Variants in WWOX observed in about 807,000 individuals in gnomAD.
WWOX encodes the protein WW domain containing oxidoreductase, also known as WW domain-containing oxidoreductase.
WWOX carries 69 observed loss-of-function variants against 46.2 expected under a neutral mutation model. The ratio of observed to expected loss-of-function variants is 1.49; its 90% CI spans 1.23 to 1.82. WWOX has a LOEUF of 1.82. WWOX is among the 40% of genes most tolerant of loss of function. The probability of loss-of-function intolerance (pLI) is 0.00; values close to 1 mark genes in which losing one functional copy is unlikely to be tolerated. For missense variants in WWOX, 919 were observed against 542.6 expected (o/e 1.69, Z -6.89); for synonymous variants, 359 against 202.6 (o/e 1.77, Z -6.56).
chr16:78,418,648 T>C (rs1192191882), intron 6 of WWOX, among the ~76,000 whole-genome samples: 2 of 152,210 alleles, frequency 1.3e-5, no homozygotes, highest in Non-Finnish European at 2.9e-5. Context: ...CGGTTGGTTT[T>C]ATATTAAAAA....
At chr16:78,330,554 C>T (rs527253661) in intron 5 of WWOX, among the ~76,000 whole-genome samples, 3 of 152,242 alleles carry the variant, frequency 2.0e-5, no homozygotes, top group South Asian at 2.1e-4. Flanking sequence ...ATGCCACCAC[C>T]GCCAGCTAAT....
At chr16:78,822,773 G>C (rs1324892973) in intron 8 of WWOX, among the ~76,000 whole-genome samples, 4 of 152,140 alleles carry the variant, frequency 2.6e-5, no homozygotes, top group African/African-American at 9.7e-5. Context: ...CTAAAGGTAG[G>C]GGAGATTCTT....
At chr16:78,119,429 T>A (rs1295219529) in intron 4 of WWOX, among the ~76,000 whole-genome samples, 1 of 151,724 alleles carries the variant, frequency 6.6e-6, no homozygotes, top group Non-Finnish European at 1.5e-5. Flanking sequence ...ACCTGCAGGC[T>A]GACATGTTGC....
intron 8 of WWOX, among the ~76,000 whole-genome samples, chr16:78,492,201 A>C (rs2084801054): frequency 6.7e-6 from 1 of 149,722 alleles, no homozygotes; most frequent in African/African-American, 2.4e-5. Context: ...CAGTGTGTGC[A>C]CAGTTTATGG....
chr16:78,815,795 C>A (rs1044143757), intron 8 of WWOX, among the ~76,000 whole-genome samples: 1 of 152,222 alleles, frequency 6.6e-6, no homozygotes, highest in Non-Finnish European at 1.5e-5. Flanking sequence ...GCCAGTGTTT[C>A]AGTGACCCTC....
At chr16:78,647,988 C>G (rs1400803785) in intron 8 of WWOX, among the ~76,000 whole-genome samples, 1 of 152,168 alleles carries the variant, frequency 6.6e-6, no homozygotes, top group Non-Finnish European at 1.5e-5. Context: ...TTTGCTTTCG[C>G]TTAGTATTTT....
intron 8 of WWOX, chr16:78,872,782 A>T (rs967034810): frequency 6.6e-6 from 1 of 152,110 alleles, no homozygotes; most frequent in Non-Finnish European, 1.5e-5. Flanking sequence ...TCACATGCAG[A>T]GGCCCCTTTT....
intron 8 of WWOX, among the ~76,000 whole-genome samples, chr16:78,783,638 T>G (rs1051418717): frequency 2.6e-5 from 4 of 152,192 alleles, no homozygotes; most frequent in African/African-American, 9.6e-5. Context: ...GTGCCTGGCA[T>G]ACCCCATATC....
intron 8 of WWOX, among the ~76,000 whole-genome samples, chr16:79,099,142 A>T (rs987510385): frequency 5.3e-5 from 8 of 152,164 alleles, no homozygotes; most frequent in African/African-American, 1.9e-4. Context: ...GTGGGAAATC[A>T]CAGAGGGAGA....
chr16:78,517,101 G>A (rs895424440), intron 8 of WWOX, among the ~76,000 whole-genome samples: 6 of 151,992 alleles, frequency 3.9e-5, no homozygotes, highest in Admixed American at 6.6e-5. Context: ...TTATGAAATC[G>A]GGGCAGCCAT....
rs530153265 is a variant in WWOX, at chr16:78,108,084, G to C, written c.108-339G>C. ...GCTGGGACTACAGGCACGTGCCACT[G>C]TCCCCAGCTAATTTTGTATTTTTGG... On this transcript the variant is annotated intron_variant, in intron 1 of 8. Transcript: ENST00000566780. 1.6e-4 allele frequency among the ~76,000 whole-genome samples: 24 copies of C among 151,694 alleles called. No homozygotes were observed. The South Asian group carries it at 3.4e-3, about 21-fold the overall frequency.
chr16:78,951,375 G>A (rs2046056225), intron 8 of WWOX, among the ~76,000 whole-genome samples: 1 of 152,080 alleles, frequency 6.6e-6, no homozygotes, highest in African/African-American at 2.4e-5. Context: ...ACTCTCATTG[G>A]CCCTCAGTGG....
At chr16:78,965,311 A>G (rs887498065) in intron 8 of WWOX, among the ~76,000 whole-genome samples, 2 of 152,160 alleles carry the variant, frequency 1.3e-5, no homozygotes, top group Non-Finnish European at 2.9e-5. Context: ...GCTCATGCCT[A>G]TAATCCTAGC....
intron 8 of WWOX, among the ~76,000 whole-genome samples, chr16:78,682,881 C>G (rs912173776): frequency 6.6e-6 from 1 of 152,124 alleles, no homozygotes; most frequent in Non-Finnish European, 1.5e-5. Flanking sequence ...TTAGATAATG[C>G]ATTGTAGGTG....
intron 8 of WWOX, among the ~76,000 whole-genome samples, chr16:79,209,035 C>G (rs2051620288): frequency 6.6e-6 from 1 of 152,140 alleles, no homozygotes; most frequent in Admixed American, 6.5e-5. Flanking sequence ...GGGTGCCCCT[C>G]CTGTGTACTG....
At chr16:78,127,873 T>A (rs969565812) in intron 4 of WWOX, among the ~76,000 whole-genome samples, 2 of 152,320 alleles carry the variant, frequency 1.3e-5, no homozygotes, top group Admixed American at 6.5e-5. Flanking sequence ...GAGCTGTAAT[T>A]TGACACAGAT....
chr16:78,711,944 T>A (rs972047638), intron 8 of WWOX, among the ~76,000 whole-genome samples: 5 of 152,188 alleles, frequency 3.3e-5, no homozygotes, highest in African/African-American at 1.2e-4. Flanking sequence ...AAAGAGCATC[T>A]CTTTCAGGAG....
At chr16:78,352,501 A>G (rs1277751668) in intron 5 of WWOX, among the ~76,000 whole-genome samples, 2 of 152,192 alleles carry the variant, frequency 1.3e-5, no homozygotes, top group Non-Finnish European at 2.9e-5. Context: ...CTTCAAAGCC[A>G]GGGATGGCTG....
intron 8 of WWOX, among the ~76,000 whole-genome samples, chr16:78,998,148 A>G (rs1395284014): frequency 6.6e-6 from 1 of 152,186 alleles, no homozygotes; most frequent in Non-Finnish European, 1.5e-5. Context: ...AAGTGCTGGG[A>G]TTACAGGCAT....
Sources: gnomAD v4.1 joint callset for allele counts (sites outside exome capture counted in the v4.1 genomes callset) on GRCh38, gnomAD v4.1.1 for gene constraint, MANE v1.5 for transcripts, NCBI Gene and HGNC (gene_info 2026-07-23, HGNC 2026-07-21) for gene names.